Variants in OR3A2 observed in about 807,000 individuals in gnomAD.
OR3A2 encodes the protein olfactory receptor family 3 subfamily A member 2, also known as olfactory receptor 3A2.
For synonymous variants in OR3A2, 126 were observed against 159.3 expected (o/e 0.79, Z 1.57); for missense variants, 318 against 392.8 (o/e 0.81, Z 1.61).
intron 2 of OR3A2, among the ~76,000 whole-genome samples, chr17:3,371,174 C>T (rs2049613809): frequency 6.6e-6 from 1 of 151,946 alleles, no homozygotes; most frequent in Non-Finnish European, 1.5e-5. Flanking sequence ...AGGGGCTCCT[C>T]ACTTCCCAGT....
intron 2 of OR3A2, among the ~76,000 whole-genome samples, chr17:3,336,708 T>C (rs760318384): frequency 2.6e-4 from 40 of 152,318 alleles, no homozygotes; most frequent in Non-Finnish European, 3.5e-4. Flanking sequence ...CACCATACTT[T>C]AGCTGCGCTC....
intron 1 of OR3A2, among the ~76,000 whole-genome samples, chr17:3,385,564 A>G (rs1224268831): frequency 1.3e-5 from 2 of 152,176 alleles, no homozygotes; most frequent in African/African-American, 4.8e-5. Flanking sequence ...ACTGTATCCA[A>G]CAACCAATTC....
At chr17:3,282,495 G>T (rs896873825) in intron 1 of OR3A2, among the ~76,000 whole-genome samples, 1 of 145,982 alleles carries the variant, frequency 6.9e-6, no homozygotes, top group African/African-American at 2.7e-5. Context: ...ACAGCAAGGG[G>T]ATGTCTCCAA....
intron 2 of OR3A2, among the ~76,000 whole-genome samples, chr17:3,347,355 T>C (rs2049374874): frequency 6.6e-6 from 1 of 152,184 alleles, no homozygotes; most frequent in Non-Finnish European, 1.5e-5. Context: ...TAACTCATCT[T>C]CTAGCATTAG....
At chr17:3,294,356 AT>A (rs1001584290) in intron 3 of OR3A2, among the ~76,000 whole-genome samples, 1 of 152,030 alleles carries the variant, frequency 6.6e-6, no homozygotes, top group African/African-American at 2.4e-5. Context: ...GAAACAATAC[AT>A]GGAAAAAAAT....
intron 3 of OR3A2, chr17:3,292,287 G>T (rs756795869): frequency 5.6e-6 from 9 of 1,614,044 alleles, no homozygotes; most frequent in East Asian, 4.5e-5. Context: ...GGTAAGGCAG[G>T]CCCCACAGGG....
At chr17:3,351,157 C>A (rs1404734321) in intron 2 of OR3A2, among the ~76,000 whole-genome samples, 3 of 150,352 alleles carry the variant, frequency 2.0e-5, no homozygotes, top group African/African-American at 7.3e-5. Flanking sequence ...CACTCCTATT[C>A]AACAGTGTTG....
At chr17:3,369,400 G>T (rs1187426800) in intron 2 of OR3A2, among the ~76,000 whole-genome samples, 1 of 152,144 alleles carries the variant, frequency 6.6e-6, no homozygotes, top group African/African-American at 2.4e-5. Context: ...ATTACCTTAA[G>T]CCATGTCCCT....
rs777763786 is a variant in OR3A2 at position 3,311,192 on chromosome 17, G to T, written c.-85+24841C>A. 1 of 537,336 alleles carries T rather than the reference G, an allele frequency of 1.9e-6. No homozygotes were observed. Among genetic ancestry groups the T allele is most frequent in the Non-Finnish European group, 3.8e-6 (1 of 261,964 alleles). 33.3% of individuals were successfully genotyped at this position (537,336 alleles called of 1,614,324 possible). A position where few individuals can be genotyped will look rare whatever the true frequency, so the allele number is the denominator to read the frequency against. On this transcript the variant is annotated intron_variant, in intron 3 of 4. Coordinates refer to the OR3A2 transcript ENST00000573491. The surrounding 1 kb of genome is among the most constrained non-coding windows in gnomAD (Gnocchi z 4.6). ...CCATGCTGAACCCACTCATCTACTG[G>T]ACATCTCTGCTGGACGTCGGGTGCA...
chr17:3,311,484 G>A lies in OR3A2; in HGVS notation c.-85+24549C>T, dbSNP rs375778301. ...ATGCTCTGACTCACACAGTGGCTGTGTCTGCGCTTGACTTCTGTGGCCCTA... is the reference window on the plus strand; with the variant it reads ...ATGCTCTGACTCACACAGTGGCTGTATCTGCGCTTGACTTCTGTGGCCCTA... On this transcript the variant is annotated intron_variant, in intron 3 of 4. Coordinates refer to the OR3A2 transcript ENST00000573491. This position sits in a 1 kb window ranked among gnomAD's most constrained non-coding sequence, Gnocchi z 4.6. 14 of 438,628 alleles carry A rather than the reference G, an allele frequency of 3.2e-5. No individual in the cohort carries two copies. The highest frequency in any genetic ancestry group is 2.9e-4 in the African/African-American group (14 of 48,818). 27.2% of individuals were successfully genotyped at this position (438,628 alleles called of 1,614,324 possible).
intron 2 of OR3A2, among the ~76,000 whole-genome samples, chr17:3,366,522 A>C (rs965648944): frequency 6.6e-6 from 1 of 152,198 alleles, no homozygotes; most frequent in African/African-American, 2.4e-5. Flanking sequence ...AAATTGTTAC[A>C]GTTTCTTGTG....
chr17:3,367,601 G>GTATATATATTATATA (rs1555530076), intron 2 of OR3A2, among the ~76,000 whole-genome samples: 19 of 122,520 alleles, frequency 1.6e-4, no homozygotes, highest in African/African-American at 4.3e-4. Flanking sequence ...GTGTGTGTGT[G>GTATATATATTATATA]TATATATATA....
At chr17:3,340,930 T>C (rs1325397013) in intron 2 of OR3A2, among the ~76,000 whole-genome samples, 1 of 152,126 alleles carries the variant, frequency 6.6e-6, no homozygotes, top group Non-Finnish European at 1.5e-5. Flanking sequence ...CAGGACTTGC[T>C]TTATGAATCT....
intron 3 of OR3A2, among the ~76,000 whole-genome samples, chr17:3,335,271 G>T (rs2049268349): frequency 6.6e-6 from 1 of 151,760 alleles, no homozygotes; most frequent in South Asian, 2.1e-4. Flanking sequence ...CTTTTAACTT[G>T]GTTAACTTTT....
chr17:3,362,966 C>A (rs1286032904), intron 2 of OR3A2, among the ~76,000 whole-genome samples: 1 of 151,888 alleles, frequency 6.6e-6, no homozygotes, highest in African/African-American at 2.4e-5. Context: ...GCTGCAGCAG[C>A]TGGGATGCAG....
At chr17:3,342,909 G>A (rs141009680) in intron 2 of OR3A2, among the ~76,000 whole-genome samples, 17 of 152,186 alleles carry the variant, frequency 1.1e-4, no homozygotes, top group African/African-American at 2.9e-4. Context: ...AGAGGCAGGC[G>A]GGCCTCGTTG....
At chr17:3,374,023 G>C (rs930950628) in intron 2 of OR3A2, among the ~76,000 whole-genome samples, 8 of 152,194 alleles carry the variant, frequency 5.3e-5, no homozygotes, top group Non-Finnish European at 1.0e-4. Context: ...ACATTTGTCA[G>C]TCTGAGAAAG....
intron 2 of OR3A2, among the ~76,000 whole-genome samples, chr17:3,382,286 G>GCATTC (rs2049743381): frequency 6.6e-6 from 1 of 152,204 alleles, no homozygotes; most frequent in Admixed American, 6.5e-5. Flanking sequence ...GCATCCAGTA[G>GCATTC]GCAAGAGGGA....
In OR3A2 at chr17:3,380,041, G is replaced by A. The variant is rs181823605; in HGVS notation, c.-179+3763C>T. The stretch of plus-strand genomic sequence containing the variant: ...AGAATTTCCAGGCTAATCAATTAGT[G>A]GGTGGCCCCTCTCCTCCCAGCCTGC... On this transcript the variant is annotated intron_variant, in intron 2 of 4. Transcript: ENST00000573491. Among the ~76,000 whole-genome samples the A allele has an allele frequency of 4.5e-4, 69 of 152,294 alleles. 1 individual carries two copies. The highest frequency in any genetic ancestry group is 1.2e-3 in the Admixed American group (19 of 15,300).
Sources: allele counts gnomAD v4.1 joint callset (sites outside exome capture counted in the v4.1 genomes callset), GRCh38; gene constraint gnomAD v4.1.1; non-coding constraint Gnocchi (gnomAD v3.1); transcripts MANE v1.5; gene names NCBI Gene and HGNC (gene_info 2026-07-23, HGNC 2026-07-21).